The following AUTS2 variants were observed in gnomAD, a reference collection of about 807,000 sequenced individuals.
The protein encoded by AUTS2 is autism susceptibility gene 2 protein.
A neutral mutation model predicts 112.4 loss-of-function variants in AUTS2; 17 were observed. The ratio of observed to expected loss-of-function variants is 0.15; its 90% CI spans 0.10 to 0.23. AUTS2 has a LOEUF of 0.23. Ranked by LOEUF, AUTS2 falls within the 10% of genes least tolerant of loss-of-function variation. AUTS2 has a pLI of 1.00. For synonymous variants in AUTS2, 751 were observed against 702.7 expected, an observed-to-expected ratio of 1.07 and a Z score of -1.09; for missense variants, 1,510 against 1,701.6, an observed-to-expected ratio of 0.89 and a Z score of 1.98.
At chr7:70,290,080 T>A (rs2129611794) in intron 4 of AUTS2, among the ~76,000 whole-genome samples, 1 of 152,272 alleles carries the variant, frequency 6.6e-6, no homozygotes, top group East Asian at 1.9e-4. Context: ...AAACCAGCAA[T>A]TTGTGAAAAA....
intron 4 of AUTS2, among the ~76,000 whole-genome samples, chr7:70,343,758 T>G (rs1257891531): frequency 6.6e-6 from 1 of 152,164 alleles, no homozygotes; most frequent in Non-Finnish European, 1.5e-5. Context: ...GTTTTCCTAA[T>G]TAACTGTATT....
intron 2 of AUTS2, among the ~76,000 whole-genome samples, chr7:70,080,997 C>CAA (rs1803276000): frequency 6.6e-6 from 1 of 152,122 alleles, no homozygotes. Context: ...TCTCTGGACA[C>CAA]AAAGCAGGCA....
intron 5 of AUTS2, among the ~76,000 whole-genome samples, chr7:70,673,363 TTTTTC>T (rs1416260315): frequency 7.3e-6 from 1 of 137,760 alleles, no homozygotes; most frequent in African/African-American, 2.7e-5. Context: ...ATTGTCTTTT[TTTTTC>T]TTTTCTTTTT....
intron 4 of AUTS2, among the ~76,000 whole-genome samples, chr7:70,140,117 G>A (rs1388155486): frequency 2.0e-5 from 3 of 151,924 alleles, no homozygotes; most frequent in East Asian, 1.9e-4. Context: ...AAATTTTCTG[G>A]TTGTCTTATA....
At chr7:69,633,625 A>T (rs927779656) in intron 1 of AUTS2, among the ~76,000 whole-genome samples, 1 of 151,986 alleles carries the variant, frequency 6.6e-6, no homozygotes, top group Non-Finnish European at 1.5e-5. Flanking sequence ...TTACTTTTTG[A>T]TGTAAGAGCT....
Position 70,043,698 on chromosome 7 carries a change from C to G in AUTS2, c.523-74434C>G, listed in dbSNP as rs555597088. On this transcript the variant is annotated intron_variant, in intron 2 of 18. Coordinates refer to ENST00000342771, the MANE Select transcript of AUTS2 (RefSeq NM_015570.4). ...AATCTTGGCTTACCACAACCTCCACCTCCTGAGTTCAAGCAATTCTCCTGC... is the reference window on the plus strand; with the variant it reads ...AATCTTGGCTTACCACAACCTCCACGTCCTGAGTTCAAGCAATTCTCCTGC... Among the ~76,000 whole-genome samples, 12 of 151,844 alleles carry G rather than the reference C, an allele frequency of 7.9e-5. No homozygotes were observed. In the South Asian group the frequency reaches 2.5e-3, roughly 32 times the overall value.
intron 2 of AUTS2, among the ~76,000 whole-genome samples, chr7:69,927,388 G>A (rs911295971): frequency 2.6e-5 from 4 of 151,586 alleles, no homozygotes; most frequent in Non-Finnish European, 5.9e-5. Context: ...ACAAAACATT[G>A]TTACTATTTC....
intron 4 of AUTS2, among the ~76,000 whole-genome samples, chr7:70,311,310 T>C (rs925464104): frequency 2.6e-5 from 4 of 152,232 alleles, no homozygotes; most frequent in Admixed American, 6.5e-5. Flanking sequence ...GCCATTATTA[T>C]ATTTGTCATG....
In AUTS2 at chr7:70,579,941, C is replaced by G. The variant is rs539050061; in HGVS notation, c.691-118628C>G. Among the ~76,000 whole-genome samples the G allele has an allele frequency of 3.2e-4, 48 of 152,290 alleles. 1 individual carries two copies. The highest frequency in any genetic ancestry group is 9.9e-4 in the African/African-American group (41 of 41,574). On this transcript the variant is annotated intron_variant, in intron 5 of 18. Coordinates refer to ENST00000342771, the MANE Select transcript of AUTS2 (RefSeq NM_015570.4). Reference sequence around the variant, plus strand: ...GAAGAAGCAGGAAGATAGAGGATGACCAACTGCTCTGAGAAGCAGGCTGCT... The same window carrying G: ...GAAGAAGCAGGAAGATAGAGGATGAGCAACTGCTCTGAGAAGCAGGCTGCT...
chr7:69,853,874 TGTAA>T lies in AUTS2; in HGVS notation c.310-45409_310-45406del, dbSNP rs1008009329. 2.6e-5 allele frequency among the ~76,000 whole-genome samples: 4 copies of T among 152,144 alleles called. No individual in the cohort carries two copies. In the South Asian group the frequency reaches 6.2e-4, roughly 24 times the overall value. Reference sequence around the variant, plus strand: ...TGATACACCTATACCACAATATTGCTGTAAGTGAGATGAAAGTGAAAAAGGATTC... The same window carrying T: ...TGATACACCTATACCACAATATTGCTGTGAGATGAAAGTGAAAAAGGATTC... On this transcript the variant is annotated intron_variant, in intron 1 of 18. Coordinates refer to ENST00000342771, the MANE Select transcript of AUTS2 (RefSeq NM_015570.4).
rs140424106 is a variant in AUTS2 at position 69,726,216 on chromosome 7, A to G, written c.309+126254A>G. 3.1e-3 allele frequency among the ~76,000 whole-genome samples: 469 copies of G among 152,198 alleles called. 2 individuals are homozygous for G. The highest frequency in any genetic ancestry group is 4.6e-3 in the Non-Finnish European group (313 of 68,012). Reference sequence around the variant, plus strand: ...GAATCAATTCCTGCCCACCCCTCCCATATGTAACCACTGTTCTGATTCGTG... The same window carrying G: ...GAATCAATTCCTGCCCACCCCTCCCGTATGTAACCACTGTTCTGATTCGTG... On this transcript the variant is annotated intron_variant, in intron 1 of 18. Transcript: ENST00000342771.
intron 4 of AUTS2, among the ~76,000 whole-genome samples, chr7:70,385,099 C>T (rs1030594597): frequency 2.6e-5 from 4 of 152,216 alleles, no homozygotes; most frequent in African/African-American, 9.7e-5. Context: ...AACACACTTG[C>T]TCCATGACTC....
intron 5 of AUTS2, among the ~76,000 whole-genome samples, chr7:70,563,617 G>A (rs746156671): frequency 2.4e-4 from 37 of 152,130 alleles, no homozygotes; most frequent in Non-Finnish European, 4.9e-4. Flanking sequence ...CTCACTTCCC[G>A]GAGATGGCGG....
At chr7:70,184,489 G>A (rs988680988) in intron 4 of AUTS2, among the ~76,000 whole-genome samples, 2 of 152,100 alleles carry the variant, frequency 1.3e-5, no homozygotes, top group Non-Finnish European at 2.9e-5. Context: ...TGACTACTTG[G>A]TTATGTTCTT....
intron 4 of AUTS2, among the ~76,000 whole-genome samples, chr7:70,366,939 GA>G (rs1792599093): frequency 6.6e-6 from 1 of 152,140 alleles, no homozygotes; most frequent in South Asian, 2.1e-4. Flanking sequence ...TCCAAGTGGA[GA>G]ACTTTGGCTA....
intron 4 of AUTS2, among the ~76,000 whole-genome samples, chr7:70,372,358 G>T (rs1019991789): frequency 2.0e-5 from 3 of 152,122 alleles, no homozygotes; most frequent in African/African-American, 4.8e-5. Flanking sequence ...TAGGGAACCC[G>T]TATTTTTGTC....
chr7:70,560,976 G>T (rs1209654000), intron 5 of AUTS2, among the ~76,000 whole-genome samples: 1 of 151,934 alleles, frequency 6.6e-6, no homozygotes, highest in East Asian at 1.9e-4. Context: ...TCATCGTATT[G>T]GTCCTTTTTA....
chr7:70,306,517 T>G (rs890206677), intron 4 of AUTS2, among the ~76,000 whole-genome samples: 4 of 152,200 alleles, frequency 2.6e-5, no homozygotes, highest in African/African-American at 9.6e-5. Context: ...TTAGTGTTTT[T>G]TTACCTTTTT....
chr7:70,336,652 T>C (rs1476921140), intron 4 of AUTS2, among the ~76,000 whole-genome samples: 1 of 152,230 alleles, frequency 6.6e-6, no homozygotes, highest in East Asian at 1.9e-4. Flanking sequence ...GTAAAAATAA[T>C]TCTTCACTCT....
Sources: gnomAD v4.1 joint callset for allele counts (sites outside exome capture counted in the v4.1 genomes callset) on GRCh38, gnomAD v4.1.1 for gene constraint, MANE v1.5 for transcripts, NCBI Gene and HGNC (gene_info 2026-07-23, HGNC 2026-07-21) for gene names.